MCF2L: variants seen among roughly 807,000 people sequenced by gnomAD.
The protein encoded by MCF2L is MCF.2 cell line derived transforming sequence like, also known as guanine nucleotide exchange factor DBS.
MCF2L carries 97 observed loss-of-function variants against 153.4 expected under a neutral mutation model. That is an observed-to-expected ratio of 0.63 (90% CI 0.54 to 0.75). The LOEUF (loss-of-function observed/expected upper bound fraction) is 0.75. MCF2L is among the 30% of genes least tolerant of loss of function. The pLI is 0.00. For missense variants in MCF2L, 1,347 were observed against 1,495.2 expected, an observed-to-expected ratio of 0.90 and a Z score of 1.64; for synonymous variants, 659 against 632.2, an observed-to-expected ratio of 1.04 and a Z score of -0.64.
At chr13:112,946,046 G>A (rs2081634194) in intron 2 of MCF2L, among the ~76,000 whole-genome samples, 10 of 152,098 alleles carry the variant, frequency 6.6e-5, no homozygotes. Context: ...CATGTTTTGA[G>A]AATATTTGTC....
At chr13:112,954,769 G>A (rs768396514) in intron 2 of MCF2L, among the ~76,000 whole-genome samples, 4 of 152,226 alleles carry the variant, frequency 2.6e-5, no homozygotes, top group Non-Finnish European at 4.4e-5. Context: ...TGTGTAAATA[G>A]CAGGTGCTCC....
At chr13:113,033,340 GAC>G (rs1357231768) in intron 3 of MCF2L, among the ~76,000 whole-genome samples, 4 of 119,120 alleles carry the variant, frequency 3.4e-5, no homozygotes, top group Non-Finnish European at 5.2e-5. Flanking sequence ...TGGCCCCCGT[GAC>G]ATTAGTGGAC....
intron 1 of MCF2L, among the ~76,000 whole-genome samples, chr13:112,897,729 G>A (rs2081081318): frequency 6.6e-6 from 1 of 152,220 alleles, no homozygotes; most frequent in Non-Finnish European, 1.5e-5. Flanking sequence ...TTAAAGAAAT[G>A]GCAGAAAGAA....
intron 4 of MCF2L, among the ~76,000 whole-genome samples, chr13:113,049,768 C>T (rs1161223365): frequency 6.6e-6 from 1 of 152,236 alleles, no homozygotes; most frequent in Non-Finnish European, 1.5e-5. Context: ...GAGGACGCAG[C>T]GCTTACATAA....
intron 2 of MCF2L, chr13:112,910,156 A>G (rs1010850570): frequency 6.6e-6 from 1 of 152,284 alleles, no homozygotes; most frequent in African/African-American, 2.4e-5. Context: ...TTCAGTTTAA[A>G]GAAATGTAAT....
chr13:112,904,185 G>A lies in MCF2L; in HGVS notation c.169+1814G>A, dbSNP rs2081148573. On this transcript the variant is annotated intron_variant, in intron 2 of 29. Transcript: ENST00000375608. This position sits in a 1 kb window ranked among gnomAD's most constrained non-coding sequence, Gnocchi z 4.2. ...GTTAGGGGTTGGGACTGGGGTAGGG[G>A]TAGGTGTTAGGGGTAGGGGTAGCGT... Among the ~76,000 whole-genome samples the A allele has an allele frequency of 6.6e-6, 1 of 151,654 alleles. No individual in the cohort carries two copies. Among genetic ancestry groups the A allele is most frequent in the Non-Finnish European group, 1.5e-5 (1 of 67,900 alleles).
chr13:112,902,275 A>G, exon 2 of MCF2L: 1 of 1,612,856 alleles, frequency 6.2e-7, no homozygotes, highest in South Asian at 1.1e-5. Context: ...ACAACGGCCC[A>G]ATGAGGCCAA....
At chr13:112,930,028 G>C (rs2081445718) in intron 2 of MCF2L, among the ~76,000 whole-genome samples, 1 of 152,224 alleles carries the variant, frequency 6.6e-6, no homozygotes, top group African/African-American at 2.4e-5. Flanking sequence ...ACACCTGTTA[G>C]AGCATCGGCT....
Position 113,076,064 on chromosome 13 carries a change from C to T in MCF2L, c.1407C>T (p.Ile469=), listed in dbSNP as rs770872135. The T allele has an allele frequency of 7.4e-6, 12 of 1,613,898 alleles. No individual in the cohort carries two copies. The highest frequency in any genetic ancestry group is 4.4e-5 in the South Asian group (4 of 91,078). ...GCGCGGAGGCTGCCCTCCAGGAAAT[C>T]GAGAAGTTTTTGGAGACCGGTGCGG... ...QDGAEAALQE[I]EKFLETGAEN... Residue 469 remains isoleucine (I), a synonymous_variant, in exon 12 of 30, where the codon ATC becomes ATT. Transcript: ENST00000535094.
chr13:112,949,258 A>G (rs1007165497), intron 2 of MCF2L, among the ~76,000 whole-genome samples: 1 of 152,272 alleles, frequency 6.6e-6, no homozygotes, highest in Admixed American at 6.5e-5. Context: ...CATAATTTCA[A>G]TAAAGAAACA....
At chr13:112,981,174 T>C (rs1172590438) in intron 1 of MCF2L, among the ~76,000 whole-genome samples, 1 of 152,026 alleles carries the variant, frequency 6.6e-6, no homozygotes, top group Non-Finnish European at 1.5e-5. Flanking sequence ...TCCTGCGCAC[T>C]GGGGACCCCG....
chr13:112,894,593 A>G (rs894828283), intron 1 of MCF2L, among the ~76,000 whole-genome samples: 1 of 151,812 alleles, frequency 6.6e-6, no homozygotes, highest in African/African-American at 2.4e-5. Context: ...GCTCGCGGTC[A>G]GGGCGGCCTG....
At chr13:112,992,248 A>G (rs1286136548) in intron 1 of MCF2L, among the ~76,000 whole-genome samples, 1 of 152,248 alleles carries the variant, frequency 6.6e-6, no homozygotes, top group African/African-American at 2.4e-5. Flanking sequence ...AAACTCTGAA[A>G]AAAATCCAAA....
chr13:112,924,066 T>G (rs2081379829), intron 2 of MCF2L, among the ~76,000 whole-genome samples: 1 of 151,430 alleles, frequency 6.6e-6, no homozygotes, highest in South Asian at 2.1e-4. Flanking sequence ...CCGTTACTGG[T>G]GGTGTTAAAT....
In MCF2L at chr13:113,085,079, G is replaced by C; in HGVS notation, c.2155-7G>C. 6.2e-7 allele frequency: 1 copy of C among 1,613,732 alleles called. No homozygotes were observed. Among genetic ancestry groups the C allele is most frequent in the East Asian group, 2.2e-5 (1 of 44,886 alleles). ...TGTGCAAACCAAAGGCTCTGGGTTG[G>C]TTCCAGGAATGCCAGAGAAAGCTGG... On this transcript the variant is annotated splice_polypyrimidine_tract_variant and splice_region_variant and intron_variant, in intron 19 of 29. Transcript: ENST00000535094.
At chr13:112,917,223 G>A (rs2081302918) in intron 2 of MCF2L, 3 of 468,610 alleles carry the variant, frequency 6.4e-6, no homozygotes, top group African/African-American at 2.0e-5. Context: ...CCCTGCCTCC[G>A]CAGAGCCTCC....
chr13:112,944,818 G>T (rs2081620244), intron 2 of MCF2L, among the ~76,000 whole-genome samples: 1 of 152,126 alleles, frequency 6.6e-6, no homozygotes, highest in Non-Finnish European at 1.5e-5. Flanking sequence ...CAGCCTCTTA[G>T]GGAAGGCCCT....
chr13:113,081,115 A>G, intron 15 of MCF2L, 98 bp from the exon 16 acceptor site: 1 of 998,948 alleles, frequency 1.0e-6, no homozygotes, highest in South Asian at 1.7e-5. Context: ...CCTGCTGGGC[A>G]GGCCATCATT....
intron 4 of MCF2L, among the ~76,000 whole-genome samples, chr13:113,050,666 G>GC (rs537402696): frequency 0.2 from 18,061 of 90,240 alleles, 2,468 homozygotes; most frequent in Admixed American, 0.22. Flanking sequence ...GGGGGCCGGG[G>GC]CGGTGGAGGG....
Sources: allele counts gnomAD v4.1 joint callset (sites outside exome capture counted in the v4.1 genomes callset), GRCh38; gene constraint gnomAD v4.1.1; non-coding constraint Gnocchi (gnomAD v3.1); transcripts MANE v1.5; gene names NCBI Gene and HGNC (gene_info 2026-07-23, HGNC 2026-07-21).